Variants in CDH13 observed in about 807,000 individuals in gnomAD.
CDH13 encodes the protein cadherin 13.
A neutral mutation model predicts 63.8 loss-of-function variants in CDH13; 24 were observed. That is an observed-to-expected ratio of 0.38 (90% CI 0.27 to 0.53). The LOEUF (loss-of-function observed/expected upper bound fraction) is 0.53. Ranked by LOEUF, CDH13 falls within the 20% of genes least tolerant of loss-of-function variation. The pLI, the probability that CDH13 is intolerant of heterozygous loss-of-function variation, is 0.85. For synonymous variants in CDH13, 503 were observed against 355.3 expected (o/e 1.42, Z -4.67); for missense variants, 1,049 against 903.1 (o/e 1.16, Z -2.07).
At chr16:83,606,242 C>G (rs551474015) in intron 8 of CDH13, among the ~76,000 whole-genome samples, 1 of 152,194 alleles carries the variant, frequency 6.6e-6, no homozygotes, top group East Asian at 1.9e-4. Context: ...TAGGACATTT[C>G]GAAGTTGATA....
chr16:82,685,292 G>A (rs547286351), intron 1 of CDH13, among the ~76,000 whole-genome samples: 80 of 152,272 alleles, frequency 5.3e-4, no homozygotes, highest in Middle Eastern at 6.8e-3. Context: ...GTGAGGTCCC[G>A]CTTTCCTCAT....
At chr16:83,435,767 C>T (rs547970855) in intron 6 of CDH13, among the ~76,000 whole-genome samples, 25 of 152,234 alleles carry the variant, frequency 1.6e-4, no homozygotes, top group African/African-American at 6.0e-4. Context: ...TCTGTTACTC[C>T]CTCTCTCCGT....
At chr16:82,849,704 G>A (rs1276692598) in intron 1 of CDH13, among the ~76,000 whole-genome samples, 1 of 152,162 alleles carries the variant, frequency 6.6e-6, no homozygotes, top group African/African-American at 2.4e-5. Flanking sequence ...AGAAGTAAAG[G>A]ACAAGCAAAC....
intron 2 of CDH13, among the ~76,000 whole-genome samples, chr16:83,023,951 G>A (rs1285987395): frequency 6.6e-6 from 1 of 152,142 alleles, no homozygotes; most frequent in Non-Finnish European, 1.5e-5. Flanking sequence ...TTTAGATATT[G>A]CCAAAGCTAT....
intron 7 of CDH13, among the ~76,000 whole-genome samples, chr16:83,517,423 A>G (rs747929235): frequency 2.4e-4 from 37 of 152,226 alleles, no homozygotes; most frequent in Non-Finnish European, 3.8e-4. Context: ...TGTTCCACGT[A>G]GTCATTAAGG....
chr16:82,898,096 A>C (rs2041330255), intron 2 of CDH13, among the ~76,000 whole-genome samples: 1 of 152,266 alleles, frequency 6.6e-6, no homozygotes. Flanking sequence ...TTATTTTTAA[A>C]ATCTCATGAA....
intron 1 of CDH13, among the ~76,000 whole-genome samples, chr16:82,710,111 A>G (rs535640142): frequency 1.4e-5 from 2 of 147,948 alleles, no homozygotes; most frequent in East Asian, 2.0e-4. Flanking sequence ...ATTTAAATAT[A>G]TTATATAGAT....
chr16:83,433,162 G>T (rs184252251), intron 6 of CDH13, among the ~76,000 whole-genome samples: 2 of 152,166 alleles, frequency 1.3e-5, no homozygotes, highest in South Asian at 2.1e-4. Flanking sequence ...CCAAGTCCCC[G>T]TCTTCCTGGA....
chr16:83,297,275 A>G (rs1291013280), intron 5 of CDH13, among the ~76,000 whole-genome samples: 2 of 152,184 alleles, frequency 1.3e-5, no homozygotes, highest in Non-Finnish European at 2.9e-5. Flanking sequence ...GAGATGATGG[A>G]TATGCTAATT....
intron 5 of CDH13, among the ~76,000 whole-genome samples, chr16:83,301,956 A>T (rs2089758026): frequency 6.9e-6 from 1 of 145,318 alleles, no homozygotes. Context: ...AGACTTCAAT[A>T]AAGTAAATTT....
chr16:83,005,020 C>G (rs1913336840), intron 2 of CDH13, among the ~76,000 whole-genome samples: 1 of 152,186 alleles, frequency 6.6e-6, no homozygotes. Context: ...CTAGAAGTTT[C>G]TCCTAATGCT....
At chr16:83,237,793 G>A (rs754119170) in intron 5 of CDH13, among the ~76,000 whole-genome samples, 5 of 152,182 alleles carry the variant, frequency 3.3e-5, no homozygotes, top group Non-Finnish European at 5.9e-5. Flanking sequence ...AGTCACTGTC[G>A]AGATAAAATG....
intron 2 of CDH13, among the ~76,000 whole-genome samples, chr16:82,977,181 C>T (rs1909635024): frequency 6.6e-6 from 1 of 152,212 alleles, no homozygotes; most frequent in Admixed American, 6.5e-5. Flanking sequence ...CTTGGCCCTG[C>T]TCTCTCTGGG....
intron 1 of CDH13, among the ~76,000 whole-genome samples, chr16:82,828,048 CTATTA>C (rs966912186): frequency 6.6e-6 from 1 of 152,080 alleles, no homozygotes; most frequent in African/African-American, 2.4e-5. Flanking sequence ...GTTGGTCATC[CTATTA>C]TGAGAGGTTA....
At chr16:82,780,638 A>G (rs949011581) in intron 1 of CDH13, among the ~76,000 whole-genome samples, 2 of 152,228 alleles carry the variant, frequency 1.3e-5, no homozygotes, top group Non-Finnish European at 2.9e-5. Context: ...AGTTTAGCTC[A>G]AGGGAAGATT....
intron 2 of CDH13, among the ~76,000 whole-genome samples, chr16:82,929,109 A>G (rs1327446889): frequency 2.0e-5 from 3 of 152,180 alleles, no homozygotes; most frequent in African/African-American, 4.8e-5. Context: ...AAAATATGCT[A>G]TCATTCCAAT....
chr16:83,716,285 G>C (rs1448588480), intron 10 of CDH13, among the ~76,000 whole-genome samples: 1 of 152,094 alleles, frequency 6.6e-6, no homozygotes, highest in Non-Finnish European at 1.5e-5. Context: ...ATCACCAGAG[G>C]CCATAGTGCA....
chr16:82,770,190 G>A (rs1019650782), intron 1 of CDH13, among the ~76,000 whole-genome samples: 3 of 152,254 alleles, frequency 2.0e-5, no homozygotes, highest in Non-Finnish European at 1.5e-5. Flanking sequence ...AATTTGGAAA[G>A]TATTAGAGAA....
intron 4 of CDH13, among the ~76,000 whole-genome samples, chr16:83,142,179 T>TG (rs2036563864): frequency 4.0e-5 from 6 of 148,338 alleles, no homozygotes; most frequent in African/African-American, 1.5e-4. Context: ...TTTTTTTTTT[T>TG]GAAATGGAGT....
Sources: allele counts gnomAD v4.1 joint callset (sites outside exome capture counted in the v4.1 genomes callset), GRCh38; gene constraint gnomAD v4.1.1; transcripts MANE v1.5; gene names NCBI Gene and HGNC (gene_info 2026-07-23, HGNC 2026-07-21).